Variants in DLGAP2 observed in about 807,000 individuals in gnomAD.
The protein encoded by DLGAP2 is disks large-associated protein 2.
DLGAP2 carries 26 observed loss-of-function variants against 100.3 expected under a neutral mutation model. The ratio of observed to expected loss-of-function variants is 0.26; its 90% CI spans 0.19 to 0.36. The LOEUF (loss-of-function observed/expected upper bound fraction) is 0.36, where lower values mean the gene tolerates loss of function less well. DLGAP2 is among the 10% of genes least tolerant of loss of function. The pLI, the probability that DLGAP2 is intolerant of heterozygous loss-of-function variation, is 1.00. For synonymous variants in DLGAP2, 886 were observed against 630.1 expected (o/e 1.41, Z -6.08); for missense variants, 1,858 against 1,453.2 (o/e 1.28, Z -4.53).
At chr8:994,839 C>T (rs181819623) in intron 2 of DLGAP2, among the ~76,000 whole-genome samples, 1 of 152,184 alleles carries the variant, frequency 6.6e-6, no homozygotes. Context: ...AGTCATTCAG[C>T]TCCAGTTTAC....
At chr8:961,386 A>T (rs1799721700) in intron 2 of DLGAP2, among the ~76,000 whole-genome samples, 1 of 151,836 alleles carries the variant, frequency 6.6e-6, no homozygotes, top group South Asian at 2.1e-4. Flanking sequence ...TGCATATTTC[A>T]CCTGTAACAG....
chr8:1,276,082 A>G (rs1237023503), intron 3 of DLGAP2, among the ~76,000 whole-genome samples: 2 of 140,612 alleles, frequency 1.4e-5, no homozygotes, highest in African/African-American at 5.4e-5. Context: ...TAATATATAA[A>G]TAAATGTGTA....
chr8:1,507,276 G>C (rs1463370253), intron 4 of DLGAP2, among the ~76,000 whole-genome samples: 1 of 152,232 alleles, frequency 6.6e-6, no homozygotes, highest in Non-Finnish European at 1.5e-5. Context: ...GGCATGGCGG[G>C]CTGCAGGTCC....
At chr8:1,526,440 T>C (rs1326988015) in intron 4 of DLGAP2, among the ~76,000 whole-genome samples, 2 of 152,006 alleles carry the variant, frequency 1.3e-5, no homozygotes, top group African/African-American at 4.8e-5. Context: ...TTTAGACTCA[T>C]TCAACTTAGA....
intron 1 of DLGAP2, among the ~76,000 whole-genome samples, chr8:854,322 G>A (rs958966153): frequency 6.6e-6 from 1 of 152,098 alleles, no homozygotes; most frequent in Middle Eastern, 3.2e-3. Context: ...GCCTTCAGTG[G>A]GTATCCTTAT....
intron 4 of DLGAP2, among the ~76,000 whole-genome samples, chr8:1,522,739 G>A (rs1345152794): frequency 6.6e-6 from 1 of 152,184 alleles, no homozygotes; most frequent in East Asian, 1.9e-4. Context: ...GACCTGCTGT[G>A]TAAACTTTCA....
At chr8:1,283,338 G>T (rs554527527) in intron 3 of DLGAP2, among the ~76,000 whole-genome samples, 1 of 152,176 alleles carries the variant, frequency 6.6e-6, no homozygotes, top group Non-Finnish European at 1.5e-5. Flanking sequence ...TGAACCCAGC[G>T]CCCTGGATCT....
chr8:1,557,962 T>C (rs924523138), intron 5 of DLGAP2, among the ~76,000 whole-genome samples: 1 of 152,204 alleles, frequency 6.6e-6, no homozygotes, highest in Non-Finnish European at 1.5e-5. Flanking sequence ...CCATAACTTG[T>C]GTGTCCTTCC....
chr8:938,094 C>T (rs1344504314), intron 2 of DLGAP2, among the ~76,000 whole-genome samples: 3 of 152,202 alleles, frequency 2.0e-5, no homozygotes. Flanking sequence ...TGCTGCGCTT[C>T]CTGACTTAGG....
At chr8:1,374,106 A>AGGTTAGGTTAGGTTTACAGAAGG (rs1335781856) in intron 3 of DLGAP2, among the ~76,000 whole-genome samples, 1,662 of 136,210 alleles carry the variant, frequency 0.012, 41 homozygotes, top group East Asian at 0.062. Context: ...TTTGCAGAGG[A>AGGTTAGGTTAGGTTTACAGAAGG]CTGTGTGGTG....
chr8:807,292 C>T (rs1410530170), intron 1 of DLGAP2, among the ~76,000 whole-genome samples: 44 of 117,488 alleles, frequency 3.7e-4, no homozygotes, highest in South Asian at 1.7e-3. Flanking sequence ...CTCATTCATA[C>T]GTTCTCTCTC....
chr8:1,180,643 C>T (rs57799359), intron 2 of DLGAP2, among the ~76,000 whole-genome samples: 1 of 139,230 alleles, frequency 7.2e-6, no homozygotes, highest in Non-Finnish European at 1.6e-5. Context: ...TGTCAGTGTG[C>T]AAGGGCAGTA....
chr8:931,719 T>C (rs1798963173), intron 2 of DLGAP2, among the ~76,000 whole-genome samples: 2 of 152,200 alleles, frequency 1.3e-5, no homozygotes, highest in Admixed American at 1.3e-4. Flanking sequence ...CCCTTCTTAC[T>C]GGGCTGCTGA....
intron 2 of DLGAP2, among the ~76,000 whole-genome samples, chr8:1,044,881 G>C (rs528524443): frequency 1.3e-5 from 2 of 152,256 alleles, no homozygotes; most frequent in East Asian, 1.9e-4. Context: ...CTTCCCTCTT[G>C]TTCTGAATAT....
intron 6 of DLGAP2, among the ~76,000 whole-genome samples, chr8:1,571,577 G>A (rs1182338772): frequency 3.7e-4 from 45 of 122,266 alleles, no homozygotes; most frequent in East Asian, 6.0e-4. Context: ...GATGGAGAGG[G>A]GAGAGGGGTG....
intron 3 of DLGAP2, among the ~76,000 whole-genome samples, chr8:1,478,717 C>T (rs1487370379): frequency 1.3e-5 from 2 of 152,140 alleles, no homozygotes; most frequent in South Asian, 2.1e-4. Flanking sequence ...CGGGACATGG[C>T]ATTTGGATGG....
Position 1,128,913 on chromosome 8 carries a change from A to AG in DLGAP2, c.74-129937dup. The stretch of plus-strand genomic sequence containing the variant: ...ATGAGTTAACCTGGATGGAAGCATC[A>AG]GAAGCTCCATGAGGCAGGGTGGCCG... On this transcript the variant is annotated intron_variant, in intron 2 of 14. Coordinates refer to ENST00000637795, the MANE Select transcript of DLGAP2 (RefSeq NM_001346810.2). Among the ~76,000 whole-genome samples, 2 of 152,356 alleles carry AG rather than the reference A, an allele frequency of 1.3e-5. 1 individual carries two copies. The highest frequency in any genetic ancestry group is 6.8e-3 in the Middle Eastern group (2 of 294).
intron 6 of DLGAP2, among the ~76,000 whole-genome samples, chr8:1,585,145 C>T (rs1796076650): frequency 6.6e-6 from 1 of 152,120 alleles, no homozygotes; most frequent in Non-Finnish European, 1.5e-5. Context: ...AGGGAGGCTC[C>T]TAAGACTGGC....
At chr8:842,741 T>A (rs148625675) in intron 1 of DLGAP2, among the ~76,000 whole-genome samples, 24 of 152,338 alleles carry the variant, frequency 1.6e-4, no homozygotes, top group African/African-American at 5.8e-4. Flanking sequence ...ATTTTCTTCT[T>A]TTTTCAACCT....
Sources: gnomAD v4.1 joint callset for allele counts (sites outside exome capture counted in the v4.1 genomes callset) on GRCh38, gnomAD v4.1.1 for gene constraint, MANE v1.5 for transcripts, NCBI Gene and HGNC (gene_info 2026-07-23, HGNC 2026-07-21) for gene names.